LRRD1: variants seen among roughly 807,000 people sequenced by gnomAD.
LRRD1 encodes leucine-rich repeat and death domain-containing protein 1.
Under a neutral mutation model 69.5 loss-of-function variants are expected in LRRD1, and 49 were observed. The observed-to-expected ratio is 0.70, with a 90% confidence interval of 0.56 to 0.89. The LOEUF (loss-of-function observed/expected upper bound fraction) is 0.89. LRRD1 is among the 40% of genes least tolerant of loss of function. LRRD1 has a pLI of 0.00. For missense variants in LRRD1, 853 were observed against 956.0 expected, an observed-to-expected ratio of 0.89 and a Z score of 1.42; for synonymous variants, 303 against 338.9, an observed-to-expected ratio of 0.89 and a Z score of 1.16.
intron 3 of LRRD1, among the ~76,000 whole-genome samples, chr7:92,150,917 A>G (rs1820450803): frequency 6.6e-6 from 1 of 152,210 alleles, no homozygotes; most frequent in Non-Finnish European, 1.5e-5. Flanking sequence ...TGAGACAGAG[A>G]CTATCCTCTT....
At chr7:92,156,405 C>T (rs1788658865) in intron 3 of LRRD1, among the ~76,000 whole-genome samples, 1 of 152,182 alleles carries the variant, frequency 6.6e-6, no homozygotes, top group Non-Finnish European at 1.5e-5. Context: ...TTTGGGAAAA[C>T]TGACATATTA....
chr7:92,155,909 CCAGTCTAGT>C (rs1370790881), intron 3 of LRRD1, among the ~76,000 whole-genome samples: 1 of 152,196 alleles, frequency 6.6e-6, no homozygotes, highest in African/African-American at 2.4e-5. Flanking sequence ...GAAGACACAG[CCAGTCTAGT>C]CCTTCCACGT....
chr7:92,167,594 T>C (rs1032134409), intron 1 of LRRD1, among the ~76,000 whole-genome samples: 1 of 151,098 alleles, frequency 6.6e-6, no homozygotes, highest in Non-Finnish European at 1.5e-5. Flanking sequence ...GTTATTCTGC[T>C]CAGCCGGGCG....
chr7:92,163,223 G>T, intron 2 of LRRD1, 63 bp downstream of exon 2: 1 of 1,096,338 alleles, frequency 9.1e-7, no homozygotes, highest in Non-Finnish European at 1.2e-6. Flanking sequence ...ATACACCACA[G>T]CTTGGATTCT....
At chr7:92,173,410 C>A (rs2131023930) in intron 1 of LRRD1, among the ~76,000 whole-genome samples, 1 of 152,248 alleles carries the variant, frequency 6.6e-6, no homozygotes, top group East Asian at 1.9e-4. Context: ...GAAGAGACAG[C>A]CCACACAGAA....
At chr7:92,159,797 T>C (rs1481554166) in intron 2 of LRRD1, among the ~76,000 whole-genome samples, 4 of 151,950 alleles carry the variant, frequency 2.6e-5, no homozygotes, top group Non-Finnish European at 5.9e-5. Flanking sequence ...AATTTTTGTA[T>C]TTTTAGTAGA....
chr7:92,159,149 T>C lies in LRRD1; in HGVS notation c.1972A>G (p.Ile658Val). Residue 658 changes from isoleucine (I) to valine (V), a missense_variant, in exon 3 of 6, where the codon ATC becomes GTC. By Grantham distance (29) the Ile-to-Val change is conservative. Around this residue, in one of 3 missense-constraint regions of LRRD1, gnomAD observed 739 missense variants for 808.0 expected, o/e 0.91. Coordinates refer to ENST00000458448, the MANE Select transcript of LRRD1 (RefSeq NM_001161528.2). ...ATCTCTCTGATTGCATTATTTGAGA[T>C]ATCAAGTTCTTTAAGTTGAGTCATA... ...SNMTQLKELD[I>V]SNNAIREIPR... is the part of the protein sequence containing the mutation. 6.5e-7 allele frequency: 1 copy of C among 1,543,826 alleles called. No individual in the cohort carries two copies. The highest frequency in any genetic ancestry group is 1.2e-5 in the South Asian group (1 of 82,186).
chr7:92,152,066 T>C (rs6972027), intron 3 of LRRD1, among the ~76,000 whole-genome samples: 64,626 of 149,126 alleles, frequency 0.43, 14,776 homozygotes, highest in African/African-American at 0.57. Context: ...TTTATAAATA[T>C]AGTTAAAGGA....
chr7:92,164,765 A>T lies in LRRD1; in HGVS notation c.438T>A (p.Val146=), dbSNP rs927370002. ...CCTGTAAACCCTTGGCCTCAAGGTT[A>T]ACTGTAAAGTTATCTGCCCCTAGGC... ...QLGLGADNFT[V]NLEAKGLQEF... is the part of the protein sequence containing the mutation. The change falls in exon 2 of 6, where the codon GTT becomes GTA. Residue 146 remains valine, a synonymous_variant. Transcript: ENST00000458448. 6.4e-7 allele frequency: 1 copy of T among 1,551,446 alleles called. No individual in the cohort carries two copies. Among genetic ancestry groups the T allele is most frequent in the Admixed American group, 2.0e-5 (1 of 51,004 alleles).
In LRRD1 at chr7:92,150,631, A is replaced by C. The variant is rs1267787887; in HGVS notation, c.2181T>G (p.Phe727Leu). The change falls in exon 4 of 6, where the codon TTT becomes TTG. Residue 727 changes from phenylalanine (F) to leucine (L), a missense_variant. Phe to Leu is a conservative substitution (Grantham distance 22). This residue lies in a region of LRRD1 where 739 missense variants were observed against 808.0 expected (regional missense o/e 0.91). Transcript: ENST00000458448. ...GAGGTCTCAGCAAAGGGTTGTCATC[A>C]AAATTTATCTCCTTCAGTGAAAAAA... ...YNIFSLKEIN[F>L]DDNPLLRPPV... 6.4e-7 allele frequency: 1 copy of C among 1,551,172 alleles called. No individual in the cohort carries two copies.
rs757346021 is a variant in LRRD1, at chr7:92,164,700, T to G, written c.503A>C (p.Tyr168Ser). 9.7e-6 allele frequency: 15 copies of G among 1,550,406 alleles called. No individual in the cohort carries two copies. In the South Asian group the frequency reaches 1.3e-4, roughly 14 times the overall value. The stretch of plus-strand genomic sequence containing the variant: ...GATTTGATTCTTGTCTAAATATAGA[T>G]ATTTTACATATTTGATTTTTAAAAT... ...KDILKIKYVK[Y>S]LYLDKNQIKT... The change falls in exon 2 of 6, where the codon TAT becomes TCT. Residue 168 changes from tyrosine (Y) to serine (S), a missense_variant. Physicochemically the swap from Tyr to Ser is moderately radical, Grantham distance 144 (BLOSUM62 -2). This residue lies in a region of LRRD1 where 739 missense variants were observed against 808.0 expected (regional missense o/e 0.91). Coordinates refer to ENST00000458448, the MANE Select transcript of LRRD1 (RefSeq NM_001161528.2).
intron 5 of LRRD1, 76 bp from the exon 6 acceptor site, chr7:92,145,150 C>T (rs2130976675): frequency 1.3e-6 from 1 of 798,538 alleles, no homozygotes. Flanking sequence ...TGATAATTAT[C>T]TGAATTGTCA....
At chr7:92,147,911 A>C (rs1007260835) in intron 4 of LRRD1, among the ~76,000 whole-genome samples, 97 of 151,914 alleles carry the variant, frequency 6.4e-4, no homozygotes, top group African/African-American at 2.3e-3. Context: ...TATTATTTTT[A>C]ATTTTTATTT....
rs780574940 is a variant in LRRD1 at position 92,163,846 on chromosome 7, TTA to T, written c.1355_1356del (p.Ile452AsnfsTer7). 1 of 1,503,018 alleles carries T rather than the reference TTA, an allele frequency of 6.7e-7. No homozygotes were observed. The highest frequency in any genetic ancestry group is 1.3e-5 in the South Asian group (1 of 75,162). 93.1% of individuals were successfully genotyped at this position (1,503,018 alleles called of 1,614,324 possible). A position where few individuals can be genotyped will look rare whatever the true frequency, so the allele number is the denominator to read the frequency against. On this transcript the variant is annotated frameshift_variant, in exon 2 of 6. Coordinates refer to ENST00000458448, the MANE Select transcript of LRRD1 (RefSeq NM_001161528.2). LOFTEE classifies it high-confidence loss of function. ...TTTATTTCAATGGGAACATCTGTGATTATGTTTCCTGAAAATTCTAGACTGCA... is the reference window on the plus strand; with the variant it reads ...TTTATTTCAATGGGAACATCTGTGATTGTTTCCTGAAAATTCTAGACTGCA... ...NICSLEFSGN[I>X]ITDVPIEIKN...
At position 92,164,981 on chromosome 7, in the gene LRRD1, C is replaced by A. The variant is rs1208409026; in HGVS notation, c.222G>T (p.Lys74Asn). ...TLESTSSSGRKSKRNEEQKKN... is the reference protein window; with the variant it reads ...TLESTSSSGRNSKRNEEQKKN... The stretch of plus-strand genomic sequence containing the variant: ...TCTTTTGTTCTTCATTTCTCTTAGA[C>A]TTCCTTCCAGAGGAAGATGTTGACT... Residue 74 changes from lysine to asparagine, a missense_variant, in exon 2 of 6, where the codon AAG becomes AAT. Coordinates refer to ENST00000458448, the MANE Select transcript of LRRD1 (RefSeq NM_001161528.2). 1.9e-6 allele frequency: 3 copies of A among 1,551,246 alleles called. No individual in the cohort carries two copies. The African/African-American group carries it at 4.1e-5, about 21-fold the overall frequency.
chr7:92,159,546 C>G (rs1788753163), intron 2 of LRRD1, among the ~76,000 whole-genome samples: 1 of 127,348 alleles, frequency 7.9e-6, no homozygotes, highest in African/African-American at 2.9e-5. Context: ...TTCTTTCCCG[C>G]CCCCCTCCCA....
chr7:92,170,826 A>G (rs1482841435), intron 1 of LRRD1, among the ~76,000 whole-genome samples: 1 of 152,232 alleles, frequency 6.6e-6, no homozygotes, highest in Non-Finnish European at 1.5e-5. Flanking sequence ...AAATTCAAAA[A>G]AATTGGCACT....
chr7:92,167,950 A>T (rs1268043895), intron 1 of LRRD1, among the ~76,000 whole-genome samples: 1 of 150,364 alleles, frequency 6.7e-6, no homozygotes, highest in East Asian at 2.0e-4. Context: ...ATGCTTGATA[A>T]GATTTGATTA....
chr7:92,146,609 T>A (rs1372880718), intron 4 of LRRD1, among the ~76,000 whole-genome samples: 1 of 80,700 alleles, frequency 1.2e-5, no homozygotes, highest in East Asian at 3.3e-4. Flanking sequence ...AGAGCAAGAC[T>A]GTCTCAAAAA....
Sources: allele counts gnomAD v4.1 joint callset (sites outside exome capture counted in the v4.1 genomes callset), GRCh38; gene constraint gnomAD v4.1.1; regional missense constraint gnomAD v4.1.1; transcripts MANE v1.5; gene names NCBI Gene and HGNC (gene_info 2026-07-23, HGNC 2026-07-21).